The following FMN2 variants were observed in gnomAD, a reference collection of about 807,000 sequenced individuals.
The protein encoded by FMN2 is formin-2.
Under a neutral mutation model 142.3 loss-of-function variants are expected in FMN2, and 51 were observed. The observed-to-expected ratio is 0.36, with a 90% CI of 0.29 to 0.45. The LOEUF is 0.45. Among genes scored for constraint, FMN2 ranks in the 20% least tolerant of loss-of-function variants. The probability of loss-of-function intolerance (pLI) is 1.00; values close to 1 mark genes in which losing one functional copy is unlikely to be tolerated. For missense variants in FMN2, 1,936 were observed against 2,122.8 expected (o/e 0.91, Z 1.73); for synonymous variants, 882 against 869.8 (o/e 1.01, Z -0.25).
At chr1:240,192,659 T>A (rs1665746000) in intron 4 of FMN2, among the ~76,000 whole-genome samples, 1 of 152,160 alleles carries the variant, frequency 6.6e-6, no homozygotes, top group South Asian at 2.1e-4. Flanking sequence ...GTCTAATCAT[T>A]CTTAGGTCCT....
intron 7 of FMN2, among the ~76,000 whole-genome samples, chr1:240,293,366 ATTATTAGCTAGC>A (rs1179503088): frequency 1.3e-5 from 2 of 152,224 alleles, no homozygotes; most frequent in African/African-American, 4.8e-5. Flanking sequence ...GAATTACTGG[ATTATTAGCTAGC>A]TGATGAATTC....
chr1:240,455,906 C>T (rs985548851), intron 16 of FMN2, among the ~76,000 whole-genome samples: 7 of 152,114 alleles, frequency 4.6e-5, no homozygotes, highest in African/African-American at 1.7e-4. Context: ...ACCCAGGAGG[C>T]AGAGGCCGCA....
chr1:240,281,329 A>G (rs1669389958), intron 7 of FMN2, among the ~76,000 whole-genome samples: 1 of 152,168 alleles, frequency 6.6e-6, no homozygotes, highest in Non-Finnish European at 1.5e-5. Flanking sequence ...AAGAGAAGAT[A>G]GTACAAATTA....
At chr1:240,367,282 A>T (rs1004398180) in intron 14 of FMN2, among the ~76,000 whole-genome samples, 1 of 151,968 alleles carries the variant, frequency 6.6e-6, no homozygotes, top group Non-Finnish European at 1.5e-5. Context: ...TCTTTTACTT[A>T]TTGAGTTATT....
chr1:240,249,780 A>G (rs77603048), intron 6 of FMN2, among the ~76,000 whole-genome samples: 4,189 of 152,030 alleles, frequency 0.028, 173 homozygotes, highest in African/African-American at 0.097. Flanking sequence ...TCTTTCATCA[A>G]TGTGTTGTAG....
chr1:240,101,327 A>T (rs902375415), intron 1 of FMN2, among the ~76,000 whole-genome samples: 3 of 152,094 alleles, frequency 2.0e-5, no homozygotes, highest in Admixed American at 1.3e-4. Flanking sequence ...GCTTTCCTTT[A>T]TTGGTAGAGC....
intron 2 of FMN2, among the ~76,000 whole-genome samples, chr1:240,133,447 A>G (rs781001793): frequency 1.8e-4 from 28 of 152,330 alleles, no homozygotes; most frequent in Non-Finnish European, 3.4e-4. Context: ...ACGGGATTAC[A>G]GGCATGAAAC....
chr1:240,409,245 C>T (rs1674315832), intron 15 of FMN2, among the ~76,000 whole-genome samples: 1 of 152,030 alleles, frequency 6.6e-6, no homozygotes, highest in Non-Finnish European at 1.5e-5. Context: ...TGGGTTCAAG[C>T]GATTCTCCTG....
chr1:240,320,577 T>C (rs1283372228), intron 8 of FMN2, among the ~76,000 whole-genome samples: 1 of 152,182 alleles, frequency 6.6e-6, no homozygotes, highest in Admixed American at 6.5e-5. Flanking sequence ...AAGAAGCCCA[T>C]AGTTTTGGTG....
intron 2 of FMN2, among the ~76,000 whole-genome samples, chr1:240,161,482 G>A (rs1286436085): frequency 2.0e-5 from 3 of 150,990 alleles, no homozygotes; most frequent in Admixed American, 1.3e-4. Flanking sequence ...GCAGTGAGGC[G>A]ACATTGTGCC....
intron 7 of FMN2, among the ~76,000 whole-genome samples, chr1:240,269,706 G>A (rs546333209): frequency 1.5e-4 from 23 of 151,646 alleles, no homozygotes; most frequent in African/African-American, 4.8e-4. Flanking sequence ...TATTTATGTC[G>A]TCTTCAATTT....
chr1:240,138,896 A>G (rs904096762), intron 2 of FMN2, among the ~76,000 whole-genome samples: 5 of 152,216 alleles, frequency 3.3e-5, no homozygotes, highest in Non-Finnish European at 5.9e-5. Flanking sequence ...TATTTGGGAA[A>G]GAAATTTGGG....
chr1:240,280,658 A>G (rs1669363872), intron 7 of FMN2, among the ~76,000 whole-genome samples: 1 of 152,158 alleles, frequency 6.6e-6, no homozygotes, highest in Non-Finnish European at 1.5e-5. Flanking sequence ...TTTACGGAAA[A>G]CATTCAACAG....
chr1:240,285,255 T>A (rs191041059), intron 7 of FMN2: 1 of 455,444 alleles, frequency 2.2e-6, no homozygotes, highest in South Asian at 1.5e-5. Flanking sequence ...CGATTCATGA[T>A]GTGTTGGATG....
chr1:240,114,914 C>T (rs941144376), intron 1 of FMN2, among the ~76,000 whole-genome samples: 8 of 152,084 alleles, frequency 5.3e-5, no homozygotes, highest in Non-Finnish European at 1.2e-4. Context: ...CCTCGGCCTC[C>T]CAAAGTGCTG....
intron 2 of FMN2, among the ~76,000 whole-genome samples, chr1:240,125,393 T>C (rs755248090): frequency 2.6e-5 from 4 of 152,310 alleles, no homozygotes; most frequent in Admixed American, 6.5e-5. Flanking sequence ...CTTTCTCTTA[T>C]GGGAAAAAAT....
chr1:240,222,842 T>C (rs1667169554), intron 6 of FMN2, among the ~76,000 whole-genome samples: 2 of 152,242 alleles, frequency 1.3e-5, no homozygotes, highest in Non-Finnish European at 2.9e-5. Context: ...ACATTGATTT[T>C]GTATCCTGAG....
intron 2 of FMN2, among the ~76,000 whole-genome samples, chr1:240,169,766 G>C (rs1664627437): frequency 6.6e-6 from 1 of 152,128 alleles, no homozygotes; most frequent in South Asian, 2.1e-4. Flanking sequence ...TGAGCCACCA[G>C]CACACCTGAC....
chr1:240,375,633 G>A (rs1673016525), intron 14 of FMN2, among the ~76,000 whole-genome samples: 1 of 152,206 alleles, frequency 6.6e-6, no homozygotes, highest in South Asian at 2.1e-4. Flanking sequence ...AACTTCAGAG[G>A]CATTCTTAAC....
Sources: allele counts gnomAD v4.1 joint callset (sites outside exome capture counted in the v4.1 genomes callset), GRCh38; gene constraint gnomAD v4.1.1; transcripts MANE v1.5; gene names NCBI Gene and HGNC (gene_info 2026-07-23, HGNC 2026-07-21).